Variants in FOXJ3 observed in about 807,000 individuals in gnomAD.
The protein encoded by FOXJ3 is forkhead box J3, also known as forkhead box protein J3.
Under a neutral mutation model 76.1 loss-of-function variants are expected in FOXJ3, and 22 were observed. That is an observed-to-expected ratio of 0.29 (90% CI 0.21 to 0.41). The LOEUF is 0.41. FOXJ3 is among the 10% of genes least tolerant of loss of function. The probability of loss-of-function intolerance (pLI) is 1.00; values close to 1 mark genes in which losing one functional copy is unlikely to be tolerated. For missense variants in FOXJ3, 613 were observed against 762.1 expected, an observed-to-expected ratio of 0.80 and a Z score of 2.30; for synonymous variants, 269 against 261.2, an observed-to-expected ratio of 1.03 and a Z score of -0.29.
At chr1:42,228,742 C>T (rs1475404363) in intron 4 of FOXJ3, among the ~76,000 whole-genome samples, 1 of 152,016 alleles carries the variant, frequency 6.6e-6, no homozygotes, top group Non-Finnish European at 1.5e-5. Context: ...GCTCTTTTTC[C>T]CTCAATTATC....
rs1002123495 is a variant in FOXJ3, at chr1:42,225,080, C to CAAA, written c.528+2800_528+2802dup. 4.1e-4 allele frequency among the ~76,000 whole-genome samples: 53 copies of CAAA among 128,640 alleles called. 1 individual carries two copies. The highest frequency in any genetic ancestry group is 1.1e-3 in the African/African-American group (39 of 34,998). 84.4% of individuals were successfully genotyped at this position (128,640 alleles called of 152,430 possible). ...GACAGAGTGAAATCCAGACTCCCCT[C>CAAA]AAAAAAAAAAAAGGAAAGAAAGCCT... On this transcript the variant is annotated intron_variant, in intron 5 of 12. Coordinates refer to ENST00000361346, the MANE Select transcript of FOXJ3 (RefSeq NM_014947.5).
intron 11 of FOXJ3, among the ~76,000 whole-genome samples, chr1:42,185,796 T>C (rs1288524301): frequency 6.6e-6 from 1 of 152,118 alleles, no homozygotes; most frequent in Non-Finnish European, 1.5e-5. Flanking sequence ...TCATAGACTG[T>C]GTTCTATAAC....
chr1:42,200,119 G>A (rs1262259194), intron 6 of FOXJ3, among the ~76,000 whole-genome samples: 1 of 151,660 alleles, frequency 6.6e-6, no homozygotes, highest in Non-Finnish European at 1.5e-5. Flanking sequence ...CAGTTACCCA[G>A]GCATCCAGAA....
intron 12 of FOXJ3, 48 bp from the exon 13 acceptor site, chr1:42,179,873 G>T: frequency 8.0e-7 from 1 of 1,250,890 alleles, no homozygotes. Flanking sequence ...AGAGAAGAAA[G>T]TAAGAAATAA....
chr1:42,184,913 A>T (rs1190478965), intron 11 of FOXJ3, among the ~76,000 whole-genome samples: 2 of 152,092 alleles, frequency 1.3e-5, no homozygotes, highest in Admixed American at 1.3e-4. Context: ...AGTGTGTTCA[A>T]AGAACACCAG....
intron 2 of FOXJ3, among the ~76,000 whole-genome samples, chr1:42,282,505 G>T (rs774365765): frequency 2.0e-5 from 3 of 152,132 alleles, no homozygotes; most frequent in Non-Finnish European, 4.4e-5. Context: ...CAACTGACAT[G>T]TTGTTTCACA....
intron 4 of FOXJ3, among the ~76,000 whole-genome samples, chr1:42,237,393 C>T (rs11210609): frequency 8.1e-5 from 5 of 61,450 alleles, no homozygotes; most frequent in African/African-American, 1.1e-4. Flanking sequence ...TATATATATA[C>T]ATACATACAT....
intron 4 of FOXJ3, among the ~76,000 whole-genome samples, chr1:42,236,126 A>T (rs368808431): frequency 3.3e-5 from 5 of 152,226 alleles, no homozygotes; most frequent in African/African-American, 4.8e-5. Context: ...CTACACCACT[A>T]GACTCATGTG....
Position 42,319,155 on chromosome 1 carries a change from A to G in FOXJ3, c.-17-8045T>C, listed in dbSNP as rs536305848. ...TGAGGTGGAAGGATCAATTGGGCCC[A>G]AGAGGTGGAGGCTGCAGTGAGCTGT... On this transcript the variant is annotated intron_variant, in intron 1 of 12. Coordinates refer to ENST00000361346, the MANE Select transcript of FOXJ3 (RefSeq NM_014947.5). Among the ~76,000 whole-genome samples the G allele has an allele frequency of 2.0e-5, 3 of 152,258 alleles. No homozygotes were observed. In the South Asian group the frequency reaches 6.2e-4, roughly 32 times the overall value.
Position 42,179,678 on chromosome 1 carries a change from C to T in FOXJ3, c.*32G>A, listed in dbSNP as rs747512479. The T allele has an allele frequency of 7.4e-6, 10 of 1,343,548 alleles. No homozygotes were observed. The highest frequency in any genetic ancestry group is 6.9e-5 in the East Asian group (3 of 43,612). 83.2% of individuals were successfully genotyped at this position (1,343,548 alleles called of 1,614,324 possible). On this transcript the variant is annotated 3_prime_UTR_variant, in exon 13 of 13. Coordinates refer to ENST00000361346, the MANE Select transcript of FOXJ3 (RefSeq NM_014947.5). ...TTCCCTTCACTGCACAGAAAGGTAA[C>T]GTTAGGGTCTGGTGTCTTGCAGAAA...
At chr1:42,249,964 C>CGG (rs1649886092) in intron 4 of FOXJ3, among the ~76,000 whole-genome samples, 1 of 152,146 alleles carries the variant, frequency 6.6e-6, no homozygotes, top group African/African-American at 2.4e-5. Flanking sequence ...AAATGAAATA[C>CGG]TATTTTAGAT....
At chr1:42,229,698 T>C (rs1044726224) in intron 4 of FOXJ3, among the ~76,000 whole-genome samples, 1 of 152,158 alleles carries the variant, frequency 6.6e-6, no homozygotes, top group Non-Finnish European at 1.5e-5. Flanking sequence ...CCCTATAAAA[T>C]GCAGATGCTA....
chr1:42,191,548 G>A lies in FOXJ3; in HGVS notation c.1106C>T (p.Ser369Leu). The change falls in exon 9 of 13, where the codon TCA (serine) becomes TTA (leucine). Residue 369 changes from serine to leucine, a missense_variant. Around this residue, in one of 3 missense-constraint regions of FOXJ3, gnomAD observed 526 missense variants for 601.4 expected, o/e 0.87. Transcript: ENST00000361346. The part of the protein sequence containing the change: ...TTGSNSVAQV[S>L]LSHPQMHTQP... ...TGTGTGCATCTGGGGGTGAGACAGTGAGACCTGTGCAACCGAATTACTGCC... is the reference window on the plus strand; with the variant it reads ...TGTGTGCATCTGGGGGTGAGACAGTAAGACCTGTGCAACCGAATTACTGCC... 6.2e-7 allele frequency: 1 copy of A among 1,614,120 alleles called. No individual in the cohort carries two copies. The highest frequency in any genetic ancestry group is 1.1e-5 in the South Asian group (1 of 91,078).
intron 5 of FOXJ3, among the ~76,000 whole-genome samples, chr1:42,206,935 A>G (rs1646872590): frequency 6.6e-6 from 1 of 151,904 alleles, no homozygotes; most frequent in Non-Finnish European, 1.5e-5. Context: ...TGCTCAAGCG[A>G]TTCTCTTGCC....
At chr1:42,294,975 C>T (rs1240216978) in intron 2 of FOXJ3, among the ~76,000 whole-genome samples, 1 of 152,176 alleles carries the variant, frequency 6.6e-6, no homozygotes, top group East Asian at 1.9e-4. Context: ...CTGTAAAATA[C>T]AACCATGTTT....
chr1:42,184,700 CAGAG>C (rs1557616439), intron 11 of FOXJ3, among the ~76,000 whole-genome samples: 1 of 151,886 alleles, frequency 6.6e-6, no homozygotes, highest in African/African-American at 2.4e-5. Flanking sequence ...GGAAAAAAAG[CAGAG>C]AGAGAGAACA....
Position 42,191,427 on chromosome 1 carries a change from C to T in FOXJ3, c.1227G>A (p.Gln409=), listed in dbSNP as rs1458154501. ...GATGCTGGGGGTGAGGGGACTGGAG[C>T]TGGCTGTGTTGCTGTGGGTGTGGTG... The part of the protein sequence containing the change: ...HPAPHPQQHS[Q]LQSPHPQHPS... The change falls in exon 9 of 13, where the codon CAG becomes CAA. Residue 409 remains glutamine, a synonymous_variant. Coordinates refer to ENST00000361346, the MANE Select transcript of FOXJ3 (RefSeq NM_014947.5). 1.9e-6 allele frequency: 3 copies of T among 1,611,940 alleles called. No homozygotes were observed. The highest frequency in any genetic ancestry group is 2.2e-5 in the South Asian group (2 of 90,936).
chr1:42,241,730 G>T (rs970520256), intron 4 of FOXJ3, among the ~76,000 whole-genome samples: 1 of 152,178 alleles, frequency 6.6e-6, no homozygotes, highest in Non-Finnish European at 1.5e-5. Flanking sequence ...CATCACCCAT[G>T]CTGTCCAGGG....
intron 2 of FOXJ3, among the ~76,000 whole-genome samples, chr1:42,295,953 G>A (rs997322923): frequency 9.2e-5 from 14 of 152,204 alleles, no homozygotes; most frequent in Non-Finnish European, 1.6e-4. Context: ...CACAGAGGTT[G>A]AACATTCCCG....
Sources: allele counts gnomAD v4.1 joint callset (sites outside exome capture counted in the v4.1 genomes callset), GRCh38; gene constraint gnomAD v4.1.1; regional missense constraint gnomAD v4.1.1; transcripts MANE v1.5; gene names NCBI Gene and HGNC (gene_info 2026-07-23, HGNC 2026-07-21).